Variants in WDR64 observed in about 807,000 individuals in gnomAD.
WDR64 encodes WD repeat domain 64, also known as WD repeat-containing protein 64.
In WDR64, 112 loss-of-function variants were observed where a neutral mutation model predicts 139.3. The observed-to-expected ratio is 0.80, with a 90% CI of 0.69 to 0.94. The LOEUF (loss-of-function observed/expected upper bound fraction) is 0.94, where lower values mean the gene tolerates loss of function less well. Ranked by LOEUF, WDR64 falls within the 40% of genes least tolerant of loss-of-function variation. The pLI is 0.00. For synonymous variants in WDR64, 444 were observed against 437.7 expected (o/e 1.01, Z -0.18); for missense variants, 1,206 against 1,293.1 (o/e 0.93, Z 1.03).
At chr1:241,770,527 G>C in intron 17 of WDR64, 94 bp from the exon 18 acceptor site, 1 of 1,087,468 alleles carries the variant, frequency 9.2e-7, no homozygotes, top group Non-Finnish European at 1.3e-6. Context: ...GATGAAAGAA[G>C]CAATCAGCTG....
intron 23 of WDR64, among the ~76,000 whole-genome samples, chr1:241,785,351 TA>T (rs1658998849): frequency 6.6e-6 from 1 of 152,204 alleles, no homozygotes; most frequent in Admixed American, 6.5e-5. Context: ...CTCTGCTTCA[TA>T]AATGATGCCC....
rs923585760 is a variant in WDR64 at position 241,689,275 on chromosome 1, T to C, written c.974+1680T>C. On this transcript the variant is annotated intron_variant, in intron 8 of 27. Coordinates refer to ENST00000437684, the MANE Select transcript of WDR64 (RefSeq NM_001367482.1). ...TCAAGAAAAAAATTACAAGGCATACTAAAAGGCACAAAACAGATTGTCAGA... is the reference window on the plus strand; with the variant it reads ...TCAAGAAAAAAATTACAAGGCATACCAAAAGGCACAAAACAGATTGTCAGA... Among the ~76,000 whole-genome samples, 5 of 148,348 alleles carry C rather than the reference T, an allele frequency of 3.4e-5. No individual in the cohort carries two copies. In the South Asian group the frequency reaches 8.7e-4, roughly 26 times the overall value.
chr1:241,772,626 C>A (rs989254634), intron 19 of WDR64, among the ~76,000 whole-genome samples, 166 bp from the exon 20 acceptor site: 3 of 151,652 alleles, frequency 2.0e-5, no homozygotes, highest in African/African-American at 4.8e-5. Flanking sequence ...CCACACCTGG[C>A]TAATTTTTGT....
At chr1:241,799,067 C>T (rs909496506) in intron 27 of WDR64, among the ~76,000 whole-genome samples, 1 of 151,636 alleles carries the variant, frequency 6.6e-6, no homozygotes, top group African/African-American at 2.4e-5. Context: ...ATAGTTTTTC[C>T]AAAGTATTTA....
chr1:241,741,814 G>A (rs575901504), intron 12 of WDR64, 150 bp downstream of exon 12: 19 of 902,544 alleles, frequency 2.1e-5, no homozygotes, highest in South Asian at 4.8e-5. Context: ...CCATGAGTAC[G>A]TGAAAAACAA....
intron 7 of WDR64, among the ~76,000 whole-genome samples, chr1:241,686,277 C>T (rs1239881835): frequency 6.6e-6 from 1 of 152,186 alleles, no homozygotes; most frequent in Non-Finnish European, 1.5e-5. Flanking sequence ...CCACAGAATT[C>T]ATTCTTGTTG....
intron 22 of WDR64, among the ~76,000 whole-genome samples, chr1:241,782,679 T>G (rs1226485081): frequency 6.6e-6 from 1 of 152,208 alleles, no homozygotes; most frequent in Non-Finnish European, 1.5e-5. Flanking sequence ...TGAAGCCTCA[T>G]GATTTTTTTC....
chr1:241,771,945 C>CATATATATATATATAT (rs57383177), intron 19 of WDR64, among the ~76,000 whole-genome samples: 4 of 62,416 alleles, frequency 6.4e-5, no homozygotes, highest in Non-Finnish European at 8.1e-5. Context: ...TACATACATA[C>CATATATATATATATAT]ATATATATAT....
In WDR64 at chr1:241,656,225, T is replaced by C. The variant is rs923310409; in HGVS notation, c.145+3596T>C. Among the ~76,000 whole-genome samples the C allele has an allele frequency of 1.3e-5, 2 of 152,174 alleles. No homozygotes were observed. The highest frequency in any genetic ancestry group is 4.8e-5 in the African/African-American group (2 of 41,444). ...AATAATGTCTGGCACAAATTCATATTTATTAACCAATATTGGAAAATAAGG... is the reference window on the plus strand; with the variant it reads ...AATAATGTCTGGCACAAATTCATATCTATTAACCAATATTGGAAAATAAGG... On this transcript the variant is annotated intron_variant, in intron 1 of 27. Coordinates refer to ENST00000437684, the MANE Select transcript of WDR64 (RefSeq NM_001367482.1). The surrounding 1 kb of genome is among the most constrained non-coding windows in gnomAD (Gnocchi z 4.3).
At chr1:241,726,064 G>A (rs1167195503) in intron 10 of WDR64, among the ~76,000 whole-genome samples, 1 of 149,974 alleles carries the variant, frequency 6.7e-6, no homozygotes, top group Non-Finnish European at 1.5e-5. Context: ...TTTTAGGTCT[G>A]TCTAATTTGC....
Position 241,680,179 on chromosome 1 carries a change from CAG to C in WDR64, c.624+585_624+586del, listed in dbSNP as rs1410436668. 1.2e-4 allele frequency among the ~76,000 whole-genome samples: 19 copies of C among 152,222 alleles called. No individual in the cohort carries two copies. In the East Asian group the frequency reaches 3.5e-3, roughly 28 times the overall value. On this transcript the variant is annotated intron_variant, in intron 6 of 27. Coordinates refer to ENST00000437684, the MANE Select transcript of WDR64 (RefSeq NM_001367482.1). Reference sequence around the variant, plus strand: ...CAAATTATATGGTGCAACGGGGACTCAGGGAGGGTGAGATCACTGAGCACCGA... The same window carrying C: ...CAAATTATATGGTGCAACGGGGACTCGGAGGGTGAGATCACTGAGCACCGA...
intron 14 of WDR64, among the ~76,000 whole-genome samples, chr1:241,755,525 T>G (rs771776403): frequency 3.9e-5 from 6 of 152,246 alleles, no homozygotes; most frequent in Non-Finnish European, 8.8e-5. Context: ...TTCACTCTGA[T>G]GATAGTTTCT....
chr1:241,723,614 T>G lies in WDR64; in HGVS notation c.1194+178T>G, dbSNP rs149856967. Among the ~76,000 whole-genome samples, 206 of 152,228 alleles carry G rather than the reference T, an allele frequency of 1.4e-3. 1 individual carries two copies. Among genetic ancestry groups the G allele is most frequent in the African/African-American group, 4.8e-3 (198 of 41,530 alleles). ...CAATGTTCTCTCTTTCTATTGATTA[T>G]AGCATAAGTAAGAACACGTTTAAAA... is the stretch of plus-strand genomic sequence containing the variant. On this transcript the variant is annotated intron_variant, in intron 10 of 27. Transcript: ENST00000437684.
intron 9 of WDR64, among the ~76,000 whole-genome samples, chr1:241,716,889 A>C (rs1668425194): frequency 1.3e-5 from 2 of 152,192 alleles, no homozygotes; most frequent in Admixed American, 1.3e-4. Flanking sequence ...CAAAGCCATT[A>C]GTTTAAGAGG....
intron 25 of WDR64, among the ~76,000 whole-genome samples, chr1:241,794,504 G>GCTTTTT (rs780489411): frequency 2.1e-4 from 17 of 81,480 alleles, no homozygotes; most frequent in African/African-American, 6.5e-4. Context: ...AAGCTTTACT[G>GCTTTTT]TTTTTTTTTT....
Position 241,780,021 on chromosome 1 carries a change from T to TG in WDR64, c.2555dup (p.Cys852TrpfsTer4). 2 of 1,589,030 alleles carry TG rather than the reference T, an allele frequency of 1.3e-6. No homozygotes were observed. Among genetic ancestry groups the TG allele is most frequent in the Non-Finnish European group, 1.7e-6 (2 of 1,173,556 alleles). On this transcript the variant is annotated frameshift_variant, in exon 22 of 28. Transcript: ENST00000437684. LOFTEE classifies it high-confidence loss of function. ...TTATACAGAAGGACATGTTATCCTT[T>TG]GCAATATTAGCTCTTTCCTGGATCC... is the stretch of plus-strand genomic sequence containing the variant.
At chr1:241,705,362 A>T (rs1037755424) in intron 8 of WDR64, among the ~76,000 whole-genome samples, 3 of 151,884 alleles carry the variant, frequency 2.0e-5, no homozygotes, top group African/African-American at 7.3e-5. Context: ...TAACACGGTG[A>T]AACCCCGTCT....
chr1:241,683,864 T>TATACACAC (rs1666911640), intron 7 of WDR64, among the ~76,000 whole-genome samples, 163 bp downstream of exon 7: 1 of 145,476 alleles, frequency 6.9e-6, no homozygotes, highest in African/African-American at 2.5e-5. Context: ...TGTTCATGTA[T>TATACACAC]ACACACACAC....
intron 10 of WDR64, among the ~76,000 whole-genome samples, chr1:241,735,258 G>A (rs1203406364): frequency 6.6e-6 from 1 of 152,116 alleles, no homozygotes; most frequent in Non-Finnish European, 1.5e-5. Flanking sequence ...AAATGCTGAT[G>A]GAATCCTGTT....
Sources: gnomAD v4.1 joint callset for allele counts (sites outside exome capture counted in the v4.1 genomes callset) on GRCh38, gnomAD v4.1.1 for gene constraint, Gnocchi (gnomAD v3.1) non-coding constraint, MANE v1.5 for transcripts, NCBI Gene and HGNC (gene_info 2026-07-23, HGNC 2026-07-21) for gene names.